The following DPP6 variants were observed in gnomAD, a reference collection of about 807,000 sequenced individuals.
DPP6 encodes dipeptidyl peptidase like 6.
In DPP6, 69 loss-of-function variants were observed where a neutral mutation model predicts 122.6. The observed-to-expected ratio is 0.56, with a 90% CI of 0.46 to 0.69. The LOEUF (loss-of-function observed/expected upper bound fraction) is 0.69, where lower values mean the gene tolerates loss of function less well. DPP6 is among the 30% of genes least tolerant of loss of function. The probability of loss-of-function intolerance (pLI) is 0.00; values close to 1 mark genes in which losing one functional copy is unlikely to be tolerated. For missense variants in DPP6, 928 were observed against 1,116.9 expected, an observed-to-expected ratio of 0.83 and a Z score of 2.41; for synonymous variants, 418 against 433.1, an observed-to-expected ratio of 0.97 and a Z score of 0.43.
chr7:154,768,915 G>A (rs1431771305), intron 8 of DPP6, among the ~76,000 whole-genome samples: 1 of 152,140 alleles, frequency 6.6e-6, no homozygotes, highest in Non-Finnish European at 1.5e-5. Flanking sequence ...ATCTGAGGAG[G>A]GAGCTCTGTG....
intron 7 of DPP6, among the ~76,000 whole-genome samples, chr7:154,719,199 G>A (rs1841667645): frequency 6.6e-6 from 1 of 152,108 alleles, no homozygotes; most frequent in Admixed American, 6.5e-5. Flanking sequence ...GGTGATTGAT[G>A]GGCTTCCTAC....
intron 1 of DPP6, among the ~76,000 whole-genome samples, chr7:154,405,344 A>C (rs1456888921): frequency 6.6e-6 from 1 of 152,202 alleles, no homozygotes; most frequent in African/African-American, 2.4e-5. Context: ...AAAGATGTTC[A>C]GGTTTAAATA....
chr7:154,008,066 A>T (rs1042078185), intron 1 of DPP6, among the ~76,000 whole-genome samples: 4 of 152,202 alleles, frequency 2.6e-5, no homozygotes, highest in Admixed American at 2.6e-4. Flanking sequence ...TAATGACCGT[A>T]AGGCAATGAA....
the DPP6 span, among the ~76,000 whole-genome samples, chr7:153,846,490 G>T: frequency 2.0e-5 from 3 of 151,014 alleles, no homozygotes; most frequent in Non-Finnish European, 3.0e-5. Context: ...ATTTTTTTTT[G>T]TATTTCCTTC....
At chr7:153,841,903 C>T in the DPP6 span, among the ~76,000 whole-genome samples, 1 of 152,180 alleles carries the variant, frequency 6.6e-6, no homozygotes, top group Non-Finnish European at 1.5e-5. Context: ...TAAGAAATTT[C>T]CTAATACAAA....
At chr7:153,991,456 T>G (rs1585143167) in intron 1 of DPP6, among the ~76,000 whole-genome samples, 1 of 152,284 alleles carries the variant, frequency 6.6e-6, no homozygotes, top group Non-Finnish European at 1.5e-5. Context: ...TAGTAACTAT[T>G]CTAACAGAAA....
chr7:154,322,454 C>T (rs1463701395), intron 1 of DPP6, among the ~76,000 whole-genome samples: 1 of 152,176 alleles, frequency 6.6e-6, no homozygotes, highest in Admixed American at 6.5e-5. Context: ...AGACAATTTT[C>T]GTTTGGTCTA....
At chr7:154,324,178 CAGTAACTTGCCT>C (rs1222261769) in intron 1 of DPP6, among the ~76,000 whole-genome samples, 1 of 152,198 alleles carries the variant, frequency 6.6e-6, no homozygotes, top group East Asian at 1.9e-4. Flanking sequence ...ATGATTACTA[CAGTAACTTGCCT>C]AGTACTTCCT....
At chr7:154,662,066 G>A (rs1293980926) in intron 6 of DPP6, among the ~76,000 whole-genome samples, 48 of 143,718 alleles carry the variant, frequency 3.3e-4, no homozygotes, top group Admixed American at 9.0e-4. Flanking sequence ...TCACCATGGC[G>A]TATTGGCCAT....
intron 4 of DPP6, among the ~76,000 whole-genome samples, chr7:154,544,843 A>G (rs1204023143): frequency 6.6e-6 from 1 of 152,092 alleles, no homozygotes; most frequent in Non-Finnish European, 1.5e-5. Flanking sequence ...AGGCAGGAGG[A>G]GTGGGTTGGT....
At chr7:154,045,710 C>T (rs1024714080) in intron 1 of DPP6, among the ~76,000 whole-genome samples, 1 of 152,114 alleles carries the variant, frequency 6.6e-6, no homozygotes, top group African/African-American at 2.4e-5. Context: ...CCAAATGTAC[C>T]AAAAGGAGCA....
intron 1 of DPP6, among the ~76,000 whole-genome samples, chr7:154,310,300 C>G (rs552940491): frequency 6.6e-6 from 1 of 152,316 alleles, no homozygotes; most frequent in South Asian, 2.1e-4. Flanking sequence ...GAAGCAAGCA[C>G]GCAACTAGCC....
At chr7:154,575,330 GTGTGGTGT>G (rs1831515713) in intron 5 of DPP6, among the ~76,000 whole-genome samples, 18 of 132,962 alleles carry the variant, frequency 1.4e-4, no homozygotes, top group African/African-American at 4.9e-4. Context: ...GTGTATGTGT[GTGTGGTGT>G]GTGTATGTGT....
intron 1 of DPP6, among the ~76,000 whole-genome samples, chr7:154,296,094 G>A (rs766599209): frequency 6.7e-6 from 1 of 150,254 alleles, no homozygotes; most frequent in Admixed American, 6.6e-5. Flanking sequence ...ACAGGCACCT[G>A]CCACCATGCT....
chr7:153,891,947 A>C (rs1799221935), intron 1 of DPP6, among the ~76,000 whole-genome samples: 1 of 152,198 alleles, frequency 6.6e-6, no homozygotes, highest in African/African-American at 2.4e-5. Context: ...CCCACTGTTG[A>C]TTGTTGTTGG....
chr7:154,581,368 G>C (rs1329980030), intron 5 of DPP6, among the ~76,000 whole-genome samples: 2 of 152,156 alleles, frequency 1.3e-5, no homozygotes, highest in African/African-American at 4.8e-5. Context: ...GAAGGGGACA[G>C]AAGAGTAAAG....
At chr7:153,850,601 T>C in the DPP6 span, among the ~76,000 whole-genome samples, 1 of 152,148 alleles carries the variant, frequency 6.6e-6, no homozygotes, top group Non-Finnish European at 1.5e-5. Context: ...GTGTAATTTA[T>C]AAAGGAAAGA....
At chr7:154,505,547 G>A (rs1825599487) in intron 3 of DPP6, among the ~76,000 whole-genome samples, 1 of 152,134 alleles carries the variant, frequency 6.6e-6, no homozygotes, top group South Asian at 2.1e-4. Context: ...CCTGTTTCTT[G>A]ATTTGGGTGA....
the DPP6 span, among the ~76,000 whole-genome samples, chr7:153,774,022 A>T: frequency 3.9e-5 from 6 of 152,264 alleles, no homozygotes; most frequent in African/African-American, 1.4e-4. Flanking sequence ...TAAATGAACA[A>T]TTCTATGCCC....
Sources: allele counts gnomAD v4.1 joint callset (sites outside exome capture counted in the v4.1 genomes callset), GRCh38; gene constraint gnomAD v4.1.1; transcripts MANE v1.5; gene names NCBI Gene and HGNC (gene_info 2026-07-23, HGNC 2026-07-21).